The following TAF3 variants were observed in gnomAD, a reference collection of about 807,000 sequenced individuals.
TAF3 encodes the protein TATA-box binding protein associated factor 3.
In TAF3, 7 loss-of-function variants were observed where a neutral mutation model predicts 80.6. The ratio of observed to expected loss-of-function variants is 0.09; its 90% CI spans 0.05 to 0.16. The LOEUF (loss-of-function observed/expected upper bound fraction) is 0.16. TAF3 is among the 10% of genes least tolerant of loss of function. TAF3 has a pLI of 1.00. For synonymous variants in TAF3, 444 were observed against 446.1 expected, an observed-to-expected ratio of 1.00 and a Z score of 0.06; for missense variants, 921 against 1,140.2, an observed-to-expected ratio of 0.81 and a Z score of 2.77.
intron 1 of TAF3, among the ~76,000 whole-genome samples, chr10:7,822,420 A>G (rs1314059940): frequency 1.3e-5 from 2 of 152,112 alleles, no homozygotes; most frequent in African/African-American, 4.8e-5. Flanking sequence ...TACATTCAGT[A>G]AGAAGAAGAG....
At chr10:7,847,834 C>T (rs1836986912) in intron 2 of TAF3, among the ~76,000 whole-genome samples, 3 of 152,302 alleles carry the variant, frequency 2.0e-5, no homozygotes, top group South Asian at 4.1e-4. Context: ...CTGGTGCAAT[C>T]TGGGCCCACC....
chr10:7,932,498 G>C (rs540231990), intron 2 of TAF3, among the ~76,000 whole-genome samples: 14 of 152,194 alleles, frequency 9.2e-5, no homozygotes, highest in Admixed American at 7.2e-4. Flanking sequence ...GAGAGAGATT[G>C]ATTATGAGTC....
At chr10:7,909,379 C>G (rs1045662269) in intron 2 of TAF3, among the ~76,000 whole-genome samples, 5 of 152,180 alleles carry the variant, frequency 3.3e-5, no homozygotes, top group Non-Finnish European at 7.3e-5. Context: ...TTCACTACCT[C>G]AGCACTTGGC....
intron 2 of TAF3, among the ~76,000 whole-genome samples, chr10:7,910,670 C>T (rs1246098975): frequency 1.3e-5 from 2 of 152,114 alleles, no homozygotes; most frequent in African/African-American, 2.4e-5. Context: ...TGTGAGCCAC[C>T]GCACCCAGCC....
At chr10:7,967,236 CT>C (rs35604602) in intron 3 of TAF3, among the ~76,000 whole-genome samples, 54,066 of 151,992 alleles carry the variant, frequency 0.36, 10,790 homozygotes, top group Admixed American at 0.48. Context: ...TCATTTATCC[CT>C]TGTGTACCTA....
chr10:7,949,893 G>A (rs1425319169), intron 2 of TAF3, among the ~76,000 whole-genome samples: 1 of 152,176 alleles, frequency 6.6e-6, no homozygotes, highest in Non-Finnish European at 1.5e-5. Context: ...CAGTGACTGC[G>A]CATCACCACT....
intron 2 of TAF3, among the ~76,000 whole-genome samples, chr10:7,861,030 C>T (rs563466929): frequency 4.6e-5 from 7 of 151,670 alleles, no homozygotes; most frequent in Admixed American, 2.6e-4. Context: ...GGCGCCATCT[C>T]GGCTCACTGC....
At chr10:7,828,265 T>C (rs1334670376) in intron 2 of TAF3, among the ~76,000 whole-genome samples, 1 of 152,170 alleles carries the variant, frequency 6.6e-6, no homozygotes, top group Non-Finnish European at 1.5e-5. Context: ...GACGAATCAA[T>C]GTAAAGTAGT....
chr10:7,922,913 G>C (rs1837778202), intron 2 of TAF3, among the ~76,000 whole-genome samples: 1 of 151,958 alleles, frequency 6.6e-6, no homozygotes, highest in Non-Finnish European at 1.5e-5. Context: ...CAAATAATAG[G>C]CTTATTAGAA....
intron 4 of TAF3, among the ~76,000 whole-genome samples, chr10:8,004,996 G>A (rs1041577677): frequency 6.6e-6 from 1 of 152,062 alleles, no homozygotes; most frequent in Non-Finnish European, 1.5e-5. Flanking sequence ...TTATAGTTCT[G>A]TCTTGTTTCC....
intron 1 of TAF3, among the ~76,000 whole-genome samples, chr10:7,821,734 T>C (rs1447331757): frequency 6.6e-6 from 1 of 152,192 alleles, no homozygotes; most frequent in African/African-American, 2.4e-5. Flanking sequence ...ACACTAGTAC[T>C]GTAATATTTT....
At chr10:7,820,022 T>C (rs887649693) in intron 1 of TAF3, among the ~76,000 whole-genome samples, 1 of 152,202 alleles carries the variant, frequency 6.6e-6, no homozygotes, top group African/African-American at 2.4e-5. Flanking sequence ...CTTTGTGAGC[T>C]AGCATTTTGC....
intron 4 of TAF3, among the ~76,000 whole-genome samples, chr10:7,981,859 A>T (rs889879897): frequency 6.6e-6 from 1 of 152,146 alleles, no homozygotes; most frequent in Non-Finnish European, 1.5e-5. Flanking sequence ...TTTTTTCTAT[A>T]TATAATGAAA....
At chr10:7,853,724 AC>A (rs1194882102) in intron 2 of TAF3, among the ~76,000 whole-genome samples, 1 of 152,208 alleles carries the variant, frequency 6.6e-6, no homozygotes, top group African/African-American at 2.4e-5. Flanking sequence ...ATTATGGGTG[AC>A]TGCTTTGGCA....
At position 7,964,169 on chromosome 10, in the gene TAF3, A is replaced by G. The variant is rs1360917693; in HGVS notation, c.659A>G (p.Asn220Ser). Residue 220 changes from asparagine (N) to serine (S), a missense_variant, in exon 3 of 7, where the codon AAT becomes AGT. This residue lies in a region of TAF3 where 743 missense variants were observed against 821.0 expected (regional missense o/e 0.90). Coordinates refer to ENST00000344293, the MANE Select transcript of TAF3 (RefSeq NM_031923.4). The surrounding 1 kb of genome is among the most constrained non-coding windows in gnomAD (Gnocchi z 4.1). The stretch of plus-strand genomic sequence containing the variant: ...GCTCGAGAGCCACTCAGCTCAATAA[A>G]TACTCAAAAGATCCCACCAATGCTT... Reference protein sequence around the residue: ...LEAREPLSSINTQKIPPMLSP... With the variant: ...LEAREPLSSISTQKIPPMLSP... 2 of 1,614,108 alleles carry G rather than the reference A, an allele frequency of 1.2e-6. No individual in the cohort carries two copies. The highest frequency in any genetic ancestry group is 2.7e-5 in the African/African-American group (2 of 74,934).
chr10:7,850,957 G>C (rs1343854188), intron 2 of TAF3, among the ~76,000 whole-genome samples: 1 of 152,108 alleles, frequency 6.6e-6, no homozygotes, highest in Non-Finnish European at 1.5e-5. Flanking sequence ...GTGTGTGCCA[G>C]TCACTATCAT....
At position 7,996,887 on chromosome 10, in the gene TAF3, T is replaced by C. The variant is rs1025660240; in HGVS notation, c.2316-12191T>C. On this transcript the variant is annotated intron_variant, in intron 4 of 6. Coordinates refer to ENST00000344293, the MANE Select transcript of TAF3 (RefSeq NM_031923.4). The stretch of plus-strand genomic sequence containing the variant: ...TTTTTGTATTTTTGTAGAGACGAGG[T>C]TTCCCTATGTTGCCCAGGCTGGTGT... Among the ~76,000 whole-genome samples the C allele has an allele frequency of 1.4e-3, 207 of 149,060 alleles. 1 individual carries two copies. The highest frequency in any genetic ancestry group is 7.4e-4 in the Non-Finnish European group (50 of 67,430).
At chr10:7,879,580 A>G (rs533468753) in intron 2 of TAF3, among the ~76,000 whole-genome samples, 4 of 152,326 alleles carry the variant, frequency 2.6e-5, no homozygotes, top group African/African-American at 9.6e-5. Context: ...GACTCCTGAA[A>G]TACAAAGTGT....
rs1832087529 is a variant in TAF3 at position 8,014,738 on chromosome 10, A to G, written c.2777A>G (p.His926Arg). ...GACAAAAAGCACAAGAAGAGGAAGC[A>G]TCGAGCCCACTGACGACTCCCGAGG... ...KKDKKHKKRK[H>R]RAH The change falls in exon 7 of 7, where the codon CAT becomes CGT. Residue 926 changes from histidine (H) to arginine (R), a missense_variant. Physicochemically the swap from His to Arg is conservative, Grantham distance 29. Around this residue, in one of 6 missense-constraint regions of TAF3, gnomAD observed 29 missense variants for 20.3 expected, o/e 1.43. Coordinates refer to ENST00000344293, the MANE Select transcript of TAF3 (RefSeq NM_031923.4). The G allele has an allele frequency of 6.3e-7, 1 of 1,598,468 alleles. No homozygotes were observed. Among genetic ancestry groups the G allele is most frequent in the Non-Finnish European group, 8.5e-7 (1 of 1,172,250 alleles).
Sources: gnomAD v4.1 joint callset for allele counts (sites outside exome capture counted in the v4.1 genomes callset) on GRCh38, gnomAD v4.1.1 for gene constraint, gnomAD v4.1.1 regional missense constraint, Gnocchi (gnomAD v3.1) non-coding constraint, MANE v1.5 for transcripts, NCBI Gene and HGNC (gene_info 2026-07-23, HGNC 2026-07-21) for gene names.